FNIP2: variants seen among roughly 807,000 people sequenced by gnomAD.
The protein encoded by FNIP2 is folliculin interacting protein 2.
A neutral mutation model predicts 108.7 loss-of-function variants in FNIP2; 32 were observed. That is an observed-to-expected ratio of 0.29 (90% confidence interval 0.22 to 0.40). The LOEUF (loss-of-function observed/expected upper bound fraction) is 0.40, where lower values mean the gene tolerates loss of function less well. Ranked by LOEUF, FNIP2 falls within the 10% of genes least tolerant of loss-of-function variation. FNIP2 has a pLI of 1.00. For synonymous variants in FNIP2, 480 were observed against 496.7 expected (o/e 0.97, Z 0.45); for missense variants, 1,202 against 1,381.6 (o/e 0.87, Z 2.06).
At chr4:158,883,512 A>G (rs766826276) in intron 14 of FNIP2, among the ~76,000 whole-genome samples, 1 of 152,190 alleles carries the variant, frequency 6.6e-6, no homozygotes, top group Non-Finnish European at 1.5e-5. Context: ...AAAGCCTGGG[A>G]TTACAGGCGT....
At chr4:158,825,868 T>G in intron 1 of FNIP2, 48 bp from the exon 2 acceptor site, 1 of 1,583,552 alleles carries the variant, frequency 6.3e-7, no homozygotes, top group Non-Finnish European at 8.6e-7. Context: ...TGTGATCATC[T>G]CATGTGCTGC....
At chr4:158,818,666 A>G (rs1287533805) in intron 1 of FNIP2, among the ~76,000 whole-genome samples, 1 of 152,244 alleles carries the variant, frequency 6.6e-6, no homozygotes, top group Non-Finnish European at 1.5e-5. Flanking sequence ...TTTCTAAAAA[A>G]AATTCTGAAT....
At chr4:158,895,923 C>A in intron 16 of FNIP2, 58 bp downstream of exon 16, 2 of 1,278,418 alleles carry the variant, frequency 1.6e-6, no homozygotes, top group South Asian at 1.3e-5. Context: ...AGCATTGTAC[C>A]CACTAACGTG....
intron 1 of FNIP2, among the ~76,000 whole-genome samples, chr4:158,803,564 C>T (rs908902820): frequency 2.0e-5 from 3 of 152,154 alleles, no homozygotes; most frequent in Non-Finnish European, 2.9e-5. Flanking sequence ...CCTATTTAAA[C>T]ATAAGGAAAT....
At chr4:158,835,503 A>G (rs1560788920) in intron 7 of FNIP2, 27 bp downstream of exon 7, 1 of 1,599,980 alleles carries the variant, frequency 6.3e-7, no homozygotes, top group Non-Finnish European at 8.6e-7. Flanking sequence ...TATTGGTTTA[A>G]CTAACAGAGT....
chr4:158,876,136 G>T (rs1339645576), intron 14 of FNIP2, among the ~76,000 whole-genome samples: 3 of 152,092 alleles, frequency 2.0e-5, no homozygotes, highest in Admixed American at 6.5e-5. Flanking sequence ...TGATCTCTGG[G>T]TATCCCCAAC....
At position 158,799,961 on chromosome 4, in the gene FNIP2, C is replaced by T. The variant is rs960536223; in HGVS notation, c.108-25955C>T. ...TTCTAGAAAGGTTGAATCATTTTAC[C>T]GAGACAAATAGATACGCAGTGCCTT... On this transcript the variant is annotated intron_variant, in intron 1 of 16. Transcript: ENST00000264433. Among the ~76,000 whole-genome samples, 53 of 152,026 alleles carry T rather than the reference C, an allele frequency of 3.5e-4. 1 individual carries two copies. Among genetic ancestry groups the T allele is most frequent in the Admixed American group, 3.3e-3 (50 of 15,266 alleles).
chr4:158,805,407 A>G (rs1198294835), intron 1 of FNIP2, among the ~76,000 whole-genome samples: 1 of 152,196 alleles, frequency 6.6e-6, no homozygotes, highest in Non-Finnish European at 1.5e-5. Flanking sequence ...TTTTCAGATG[A>G]AGAATATTAG....
rs1015318171 is a variant in FNIP2, at chr4:158,907,161, G to C, written c.*2617G>C. ...GTTGCAGTTTTATTTTTAATAAATT[G>C]GTAAGTGAAATGAATGTAAAGGTAA... On this transcript the variant is annotated 3_prime_UTR_variant, in exon 17 of 17. Coordinates refer to ENST00000264433, the MANE Select transcript of FNIP2 (RefSeq NM_020840.3). The C allele has an allele frequency of 6.6e-6, 1 of 152,138 alleles. No individual in the cohort carries two copies. The highest frequency in any genetic ancestry group is 1.9e-4 in the East Asian group (1 of 5,194). The allele number at this position is 152,138 out of a possible 1,614,324, so 9.4% of individuals were successfully genotyped here. A position where few individuals can be genotyped will look rare whatever the true frequency, so the allele number is the denominator to read the frequency against.
At chr4:158,840,497 G>C (rs1051146345) in intron 7 of FNIP2, among the ~76,000 whole-genome samples, 1 of 152,098 alleles carries the variant, frequency 6.6e-6, no homozygotes, top group Non-Finnish European at 1.5e-5. Flanking sequence ...CCAGGTTCAA[G>C]CTATTCTCCT....
At chr4:158,847,510 G>A (rs977662614) in intron 7 of FNIP2, among the ~76,000 whole-genome samples, 3 of 152,202 alleles carry the variant, frequency 2.0e-5, no homozygotes, top group Admixed American at 6.5e-5. Flanking sequence ...GGAACCCGCT[G>A]CCTTGAAGGG....
At chr4:158,882,059 T>G (rs111741337) in intron 14 of FNIP2, among the ~76,000 whole-genome samples, 6,957 of 146,742 alleles carry the variant, frequency 0.047, 411 homozygotes, top group African/African-American at 0.15. Context: ...ATGTGGGGAG[T>G]GCCTCTGCCC....
intron 7 of FNIP2, among the ~76,000 whole-genome samples, chr4:158,845,373 G>T (rs1485306683): frequency 6.6e-6 from 1 of 152,180 alleles, no homozygotes; most frequent in Non-Finnish European, 1.5e-5. Context: ...GTATTCCAAA[G>T]GTAGTGAATC....
chr4:158,774,466 G>C (rs1299804451), intron 1 of FNIP2, among the ~76,000 whole-genome samples: 1 of 152,124 alleles, frequency 6.6e-6, no homozygotes, highest in South Asian at 2.1e-4. Flanking sequence ...ATAGAGTAAG[G>C]ATAATGTTTA....
At chr4:158,880,246 C>T (rs549820287) in intron 14 of FNIP2, among the ~76,000 whole-genome samples, 22 of 152,178 alleles carry the variant, frequency 1.4e-4, no homozygotes, top group Non-Finnish European at 2.8e-4. Flanking sequence ...ATATACACTA[C>T]GGAATACAAT....
intron 1 of FNIP2, among the ~76,000 whole-genome samples, chr4:158,813,116 C>T (rs923347999): frequency 6.6e-6 from 1 of 152,128 alleles, no homozygotes; most frequent in African/African-American, 2.4e-5. Context: ...TATCTCTTTG[C>T]GTACTGAAGG....
chr4:158,901,841 C>A (rs1729312554), intron 16 of FNIP2, among the ~76,000 whole-genome samples: 1 of 151,786 alleles, frequency 6.6e-6, no homozygotes, highest in Non-Finnish European at 1.5e-5. Context: ...TCCATCAGGT[C>A]ATTTATGTTC....
rs1042427628 is a variant in FNIP2 at position 158,906,937 on chromosome 4, A to G, written c.*2393A>G. 4 of 152,334 alleles carry G rather than the reference A, an allele frequency of 2.6e-5. No individual in the cohort carries two copies. The East Asian group carries it at 7.7e-4, about 29-fold the overall frequency. 9.4% of individuals were successfully genotyped at this position (152,334 alleles called of 1,614,324 possible). A position where few individuals can be genotyped will look rare whatever the true frequency, so the allele number is the denominator to read the frequency against. ...ACTTGCTCCCATGCCCACCTCAAGA[A>G]AAAACATAAAACAATTTTTTTTAAA... On this transcript the variant is annotated 3_prime_UTR_variant, in exon 17 of 17. Coordinates refer to ENST00000264433, the MANE Select transcript of FNIP2 (RefSeq NM_020840.3).
chr4:158,803,876 A>T (rs1776846719), intron 1 of FNIP2, among the ~76,000 whole-genome samples: 1 of 152,212 alleles, frequency 6.6e-6, no homozygotes, highest in African/African-American at 2.4e-5. Flanking sequence ...ATCAGACTGT[A>T]TGCATCTGAC....
Sources: allele counts gnomAD v4.1 joint callset (sites outside exome capture counted in the v4.1 genomes callset), GRCh38; gene constraint gnomAD v4.1.1; transcripts MANE v1.5; gene names NCBI Gene and HGNC (gene_info 2026-07-23, HGNC 2026-07-21).